The following KDM2A variants were observed in gnomAD, a reference collection of about 807,000 sequenced individuals.
The protein encoded by KDM2A is lysine-specific demethylase 2A.
A neutral mutation model predicts 137.3 loss-of-function variants in KDM2A; 3 were observed. The ratio of observed to expected loss-of-function variants is 0.02; its 90% confidence interval spans 0.01 to 0.06. The LOEUF (loss-of-function observed/expected upper bound fraction) is 0.06. KDM2A is among the 10% of genes least tolerant of loss of function. The pLI, the probability that KDM2A is intolerant of heterozygous loss-of-function variation, is 1.00. For synonymous variants in KDM2A, 512 were observed against 541.5 expected (o/e 0.95, Z 0.76); for missense variants, 738 against 1,510.6 (o/e 0.49, Z 8.48).
rs186824385 is a variant in KDM2A at position 67,121,339 on chromosome 11, T to C, written c.23T>C (p.Ile8Thr). 1 of 1,613,798 alleles carries C rather than the reference T, an allele frequency of 6.2e-7. No homozygotes were observed. The highest frequency in any genetic ancestry group is 1.7e-5 in the Admixed American group (1 of 59,988). MEPEEER[I>T]RYSQRLRGTM... ...GAGATGGAACCCGAAGAAGAAAGGA[T>C]TCGTTACAGCCAGAGATTGGTTAGT... The change falls in exon 2 of 21, where the codon ATT becomes ACT. Residue 8 changes from isoleucine to threonine, a missense_variant. By Grantham distance (89) the Ile-to-Thr change is moderately conservative. Transcript: ENST00000529006.
chr11:67,206,325 G>C lies in KDM2A; in HGVS notation c.308-1185G>C, dbSNP rs565037412. Among the ~76,000 whole-genome samples, 6 of 152,350 alleles carry C rather than the reference G, an allele frequency of 3.9e-5. No homozygotes were observed. The South Asian group carries it at 1.2e-3, about 32-fold the overall frequency. ...ACACGGCCATATTCCCAGCTACTTG[G>C]GAGGCTGAGGCACAAGAATCTCTTG... is the stretch of plus-strand genomic sequence containing the variant. On this transcript the variant is annotated intron_variant, in intron 5 of 20. Coordinates refer to ENST00000529006, the MANE Select transcript of KDM2A (RefSeq NM_012308.3).
At chr11:67,205,971 C>G (rs1284589129) in intron 5 of KDM2A, among the ~76,000 whole-genome samples, 1 of 152,144 alleles carries the variant, frequency 6.6e-6, no homozygotes, top group South Asian at 2.1e-4. Context: ...TATGATACTT[C>G]CCTTTTGTTT....
chr11:67,180,443 A>G, intron 3 of KDM2A: 1 of 380,444 alleles, frequency 2.6e-6, no homozygotes, highest in Non-Finnish European at 4.6e-6. Context: ...GGGCAGGAGT[A>G]TTGTTGGATT....
rs1858215622 is a variant in KDM2A, at chr11:67,217,776, G to A, written c.733G>A (p.Glu245Lys). Residue 245 changes from glutamate to lysine, a missense_variant, in exon 9 of 21, where the codon GAG becomes AAG. Glu to Lys is a moderately conservative substitution (Grantham distance 56, BLOSUM62 1). Transcript: ENST00000529006. ...PPTAHNLELY[E>K]NWLLSGKQGD... ...TACAGCCCACAACCTGGAGCTGTAC[G>A]AGAATTGGCTGCTGTCAGGGAAACA... The A allele has an allele frequency of 6.2e-7, 1 of 1,613,578 alleles. No homozygotes were observed. Among genetic ancestry groups the A allele is most frequent in the Non-Finnish European group, 8.5e-7 (1 of 1,179,810 alleles).
At chr11:67,238,149 TTCTTA>T (rs1335025182) in intron 12 of KDM2A, among the ~76,000 whole-genome samples, 2 of 152,132 alleles carry the variant, frequency 1.3e-5, no homozygotes, top group African/African-American at 4.8e-5. Context: ...GTCTTAGTAA[TTCTTA>T]TCTTTTTTGC....
intron 6 of KDM2A, among the ~76,000 whole-genome samples, chr11:67,208,633 T>C (rs1046837223): frequency 2.0e-5 from 3 of 151,948 alleles, no homozygotes; most frequent in Non-Finnish European, 1.5e-5. Flanking sequence ...TAGCCAAGCA[T>C]GGTTGCATGC....
intron 5 of KDM2A, among the ~76,000 whole-genome samples, chr11:67,195,126 G>A (rs1418568729): frequency 3.3e-5 from 5 of 152,066 alleles, no homozygotes; most frequent in Admixed American, 3.3e-4. Flanking sequence ...GAGAATAGTG[G>A]TATTGATGGA....
intron 2 of KDM2A, among the ~76,000 whole-genome samples, chr11:67,128,418 C>T (rs1855780431): frequency 1.3e-5 from 2 of 151,478 alleles, no homozygotes; most frequent in East Asian, 1.9e-4. Context: ...ATAATGTTAG[C>T]TAGAAAAAAT....
intron 13 of KDM2A, among the ~76,000 whole-genome samples, chr11:67,243,349 G>A (rs147402314): frequency 6.6e-6 from 1 of 152,342 alleles, no homozygotes; most frequent in African/African-American, 2.4e-5. Flanking sequence ...GTGCATTTGT[G>A]CATCCGCTTC....
At chr11:67,238,490 G>C (rs1858933997) in intron 12 of KDM2A, among the ~76,000 whole-genome samples, 1 of 152,216 alleles carries the variant, frequency 6.6e-6, no homozygotes, top group African/African-American at 2.4e-5. Flanking sequence ...AGTGGGTCTT[G>C]AGTCTTAAGA....
chr11:67,158,665 T>C (rs1174902155), intron 2 of KDM2A, among the ~76,000 whole-genome samples: 1 of 152,198 alleles, frequency 6.6e-6, no homozygotes, highest in East Asian at 1.9e-4. Flanking sequence ...CTTTTCTTTT[T>C]TCTTTTTTTG....
chr11:67,246,455 T>C (rs1859208716), intron 15 of KDM2A, among the ~76,000 whole-genome samples: 1 of 152,122 alleles, frequency 6.6e-6, no homozygotes, highest in African/African-American at 2.4e-5. Context: ...GCATCTCTGA[T>C]ACATACTTCA....
intron 2 of KDM2A, among the ~76,000 whole-genome samples, chr11:67,142,078 G>A (rs941457652): frequency 4.0e-5 from 6 of 151,644 alleles, no homozygotes; most frequent in East Asian, 1.9e-4. Context: ...TTGCTGTGTC[G>A]TCCAGGCTGG....
chr11:67,190,747 C>T (rs761939128), intron 5 of KDM2A, among the ~76,000 whole-genome samples: 3 of 151,544 alleles, frequency 2.0e-5, no homozygotes, highest in East Asian at 1.9e-4. Context: ...GGCAACAGAG[C>T]GAGACTCTTT....
chr11:67,121,396 A>G, intron 2 of KDM2A, 38 bp downstream of exon 2: 1 of 1,582,266 alleles, frequency 6.3e-7, no homozygotes. Flanking sequence ...CTCCAGTTTT[A>G]AAGTAGGATA....
In KDM2A at chr11:67,250,138, G is replaced by A. The variant is rs1302518437; in HGVS notation, c.2108G>A (p.Arg703Gln). 2.5e-6 allele frequency: 4 copies of A among 1,611,678 alleles called. No homozygotes were observed. The highest frequency in any genetic ancestry group is 1.1e-5 in the South Asian group (1 of 90,840). ...DEEAVQAKVLRPLRSCDEPLT... is the reference protein window; with the variant it reads ...DEEAVQAKVLQPLRSCDEPLT... The stretch of plus-strand genomic sequence containing the variant: ...GAAGCTGTGCAAGCCAAAGTCCTGC[G>A]GCCCCTGCGGAGCTGCGATGAGCCT... Residue 703 changes from arginine to glutamine, a missense_variant, in exon 17 of 21, where the codon CGG becomes CAG. Around this residue, in one of 9 missense-constraint regions of KDM2A, gnomAD observed 244 missense variants for 324.6 expected, o/e 0.75. Transcript: ENST00000529006. This position sits in a 1 kb window ranked among gnomAD's most constrained non-coding sequence, Gnocchi z 7.1.
intron 10 of KDM2A, among the ~76,000 whole-genome samples, chr11:67,223,749 A>G (rs936787149): frequency 1.1e-4 from 17 of 152,024 alleles, no homozygotes; most frequent in Admixed American, 5.2e-4. Context: ...TCAGCTTTCA[A>G]CTGATTTCCA....
rs556855245 is a variant in KDM2A, at chr11:67,255,811, G to A, written c.*756G>A. ...TCTACCCCAGGGACACACCCATTTC[G>A]TTGCTACCCAAGTGGATTCTGAGAC... is the stretch of plus-strand genomic sequence containing the variant. On this transcript the variant is annotated 3_prime_UTR_variant, in exon 21 of 21. Transcript: ENST00000529006. The A allele has an allele frequency of 4.9e-5, 14 of 287,466 alleles. No individual in the cohort carries two copies. The East Asian group carries it at 6.6e-4, about 14-fold the overall frequency. 17.8% of individuals were successfully genotyped at this position (287,466 alleles called of 1,614,324 possible).
rs530481046 is a variant in KDM2A at position 67,245,859 on chromosome 11, C to G, written c.1834-126C>G. On this transcript the variant is annotated intron_variant, in intron 14 of 20. Coordinates refer to ENST00000529006, the MANE Select transcript of KDM2A (RefSeq NM_012308.3). The surrounding 1 kb of genome is among the most constrained non-coding windows in gnomAD (Gnocchi z 4.1). The stretch of plus-strand genomic sequence containing the variant: ...CAAAACCTCCGTTCTCTCCACCCTG[C>G]CTCCATGCTTCCAGGTGTTTAGTAG... 7.7e-5 allele frequency: 87 copies of G among 1,128,014 alleles called. 1 individual carries two copies. The South Asian group carries it at 1.1e-3, about 14-fold the overall frequency. The allele number at this position is 1,128,014 out of a possible 1,614,324, so 69.9% of individuals were successfully genotyped here.
Sources: allele counts gnomAD v4.1 joint callset (sites outside exome capture counted in the v4.1 genomes callset), GRCh38; gene constraint gnomAD v4.1.1; regional missense constraint gnomAD v4.1.1; non-coding constraint Gnocchi (gnomAD v3.1); transcripts MANE v1.5; gene names NCBI Gene and HGNC (gene_info 2026-07-23, HGNC 2026-07-21).